The following CNTN4 variants were observed in gnomAD, a reference collection of about 807,000 sequenced individuals.
CNTN4 encodes contactin 4, also known as contactin-4.
In CNTN4, 77 loss-of-function variants were observed where a neutral mutation model predicts 122.5. The ratio of observed to expected loss-of-function variants is 0.63; its 90% CI spans 0.52 to 0.76. CNTN4 has a LOEUF of 0.76. CNTN4 is among the 30% of genes least tolerant of loss of function. CNTN4 has a pLI of 0.00. For synonymous variants in CNTN4, 512 were observed against 447.0 expected (o/e 1.15, Z -1.83); for missense variants, 1,256 against 1,259.1 (o/e 1.00, Z 0.04).
intron 2 of CNTN4, among the ~76,000 whole-genome samples, chr3:2,112,037 T>G (rs1030858192): frequency 1.3e-5 from 2 of 152,124 alleles, no homozygotes; most frequent in Non-Finnish European, 2.9e-5. Context: ...ATTTCCATAG[T>G]GTGTTGTTTT....
At chr3:2,902,804 C>A in intron 11 of CNTN4, 72 bp from the exon 12 acceptor site, 1 of 1,506,774 alleles carries the variant, frequency 6.6e-7, no homozygotes, top group Non-Finnish European at 9.1e-7. Flanking sequence ...CTTGATATTA[C>A]ACATGGTAAA....
chr3:2,832,747 C>T (rs2093131258), intron 7 of CNTN4, among the ~76,000 whole-genome samples: 1 of 152,128 alleles, frequency 6.6e-6, no homozygotes, highest in South Asian at 2.1e-4. Flanking sequence ...GATAGCCAGA[C>T]ACCAGTAAGT....
chr3:2,294,288 C>CTTTTTTTTTTTT lies in CNTN4; in HGVS notation c.-144-44886_-144-44875dup, dbSNP rs71058604. 5.2e-3 allele frequency among the ~76,000 whole-genome samples: 709 copies of CTTTTTTTTTTTT among 135,504 alleles called. 15 individuals are homozygous for CTTTTTTTTTTTT. The highest frequency in any genetic ancestry group is 0.018 in the African/African-American group (674 of 36,770). 88.9% of individuals were successfully genotyped at this position (135,504 alleles called of 152,430 possible). A position where few individuals can be genotyped will look rare whatever the true frequency, so the allele number is the denominator to read the frequency against. On this transcript the variant is annotated intron_variant, in intron 2 of 24. Coordinates refer to ENST00000418658, the MANE Select transcript of CNTN4 (RefSeq NM_175607.3). Reference sequence around the variant, plus strand: ...CAAAGGAAAGGCAGAAGAGTTGTGACTTTTTTTTTTTTTTTACTGAATACC... The same window carrying CTTTTTTTTTTTT: ...CAAAGGAAAGGCAGAAGAGTTGTGACTTTTTTTTTTTTTTTTTTTTTTTTTTTACTGAATACC...
chr3:2,986,605 C>T, intron 13 of CNTN4, among the ~76,000 whole-genome samples: 1 of 152,172 alleles, frequency 6.6e-6, no homozygotes, highest in East Asian at 1.9e-4. Context: ...TACATCTTCA[C>T]CTGTGTTTTT....
chr3:3,025,978 A>G, intron 14 of CNTN4, 124 bp from the exon 15 acceptor site: 3 of 932,138 alleles, frequency 3.2e-6, no homozygotes, highest in Non-Finnish European at 5.0e-6. Flanking sequence ...TGCTGGTCAC[A>G]GCCTCAGAAA....
chr3:2,404,501 C>G lies in CNTN4; in HGVS notation c.-89+65268C>G, dbSNP rs923039103. ...ATGATGGTAGAGTTCTTCTCACATT[C>G]TCTCTGCTCTCCCTTTCTACCTCAT... is the stretch of plus-strand genomic sequence containing the variant. On this transcript the variant is annotated intron_variant, in intron 3 of 24. Coordinates refer to ENST00000418658, the MANE Select transcript of CNTN4 (RefSeq NM_175607.3). Among the ~76,000 whole-genome samples, 7 of 152,140 alleles carry G rather than the reference C, an allele frequency of 4.6e-5. No homozygotes were observed. In the East Asian group the frequency reaches 5.8e-4, roughly 13 times the overall value.
chr3:2,757,882 C>T (rs546716502), intron 6 of CNTN4, among the ~76,000 whole-genome samples: 1 of 152,290 alleles, frequency 6.6e-6, no homozygotes, highest in African/African-American at 2.4e-5. Context: ...CAGTAGATGG[C>T]ACTGAAGGTA....
intron 2 of CNTN4, among the ~76,000 whole-genome samples, chr3:2,179,496 T>C (rs1408575368): frequency 6.6e-6 from 1 of 152,050 alleles, no homozygotes; most frequent in Non-Finnish European, 1.5e-5. Flanking sequence ...CTGTAGTAGC[T>C]ATAACAAAAA....
chr3:2,328,428 A>G (rs1446124568), intron 2 of CNTN4, among the ~76,000 whole-genome samples: 1 of 152,198 alleles, frequency 6.6e-6, no homozygotes, highest in Admixed American at 6.5e-5. Context: ...AATAAAAAAC[A>G]CAGTTTTCCC....
intron 2 of CNTN4, among the ~76,000 whole-genome samples, chr3:2,271,950 G>A (rs1265774195): frequency 6.6e-6 from 1 of 152,052 alleles, no homozygotes; most frequent in Non-Finnish European, 1.5e-5. Context: ...CATGTGTTGT[G>A]AAGAATATTT....
intron 3 of CNTN4, among the ~76,000 whole-genome samples, chr3:2,500,488 C>T (rs1314167182): frequency 1.3e-5 from 2 of 151,834 alleles, no homozygotes; most frequent in African/African-American, 4.8e-5. Context: ...TGTGTTCTTG[C>T]CCCTCCTTTC....
chr3:2,575,809 CTTTTTTT>C (rs56303805), intron 4 of CNTN4, among the ~76,000 whole-genome samples: 815 of 101,140 alleles, frequency 8.1e-3, no homozygotes, highest in African/African-American at 0.01. Context: ...TCTTCTTCTT[CTTTTTTT>C]TTTTTTTTTT....
At chr3:2,521,909 C>A (rs1213721446) in intron 3 of CNTN4, among the ~76,000 whole-genome samples, 1 of 152,016 alleles carries the variant, frequency 6.6e-6, no homozygotes, top group African/African-American at 2.4e-5. Flanking sequence ...CAAAAGTAAT[C>A]GTGCTTATCA....
chr3:2,412,459 G>T (rs2047260367), intron 3 of CNTN4, among the ~76,000 whole-genome samples: 1 of 151,972 alleles, frequency 6.6e-6, no homozygotes, highest in Admixed American at 6.6e-5. Context: ...CACTATGTCG[G>T]TCAGGCTGGT....
chr3:2,830,063 A>G (rs2093069518), intron 7 of CNTN4, among the ~76,000 whole-genome samples: 1 of 152,248 alleles, frequency 6.6e-6, no homozygotes, highest in Non-Finnish European at 1.5e-5. Flanking sequence ...TAGCAGAAAT[A>G]AATTTCAGGA....
chr3:2,314,511 G>A (rs1031099716), intron 2 of CNTN4, among the ~76,000 whole-genome samples: 4 of 151,806 alleles, frequency 2.6e-5, no homozygotes, highest in African/African-American at 9.7e-5. Context: ...TGTGATAATA[G>A]GTGAAAGGGT....
intron 2 of CNTN4, among the ~76,000 whole-genome samples, chr3:2,123,293 A>G (rs1418370587): frequency 6.6e-6 from 1 of 152,228 alleles, no homozygotes; most frequent in African/African-American, 2.4e-5. Flanking sequence ...TCTCAAGGTC[A>G]AGGTCACATA....
chr3:2,295,188 T>C (rs1247775718), intron 2 of CNTN4, among the ~76,000 whole-genome samples: 1 of 144,608 alleles, frequency 6.9e-6, no homozygotes, highest in Non-Finnish European at 1.5e-5. Flanking sequence ...TTTGGGTATA[T>C]ACCCAGTAAT....
intron 4 of CNTN4, among the ~76,000 whole-genome samples, chr3:2,616,117 T>C (rs2081720142): frequency 1.3e-5 from 2 of 151,862 alleles, no homozygotes; most frequent in South Asian, 2.1e-4. Context: ...GCTGCACCTA[T>C]TGATCCGTCA....
Sources: gnomAD v4.1 joint callset for allele counts (sites outside exome capture counted in the v4.1 genomes callset) on GRCh38, gnomAD v4.1.1 for gene constraint, MANE v1.5 for transcripts, NCBI Gene and HGNC (gene_info 2026-07-23, HGNC 2026-07-21) for gene names.